Variants in RTTN observed in about 807,000 individuals in gnomAD.
RTTN encodes the protein rotatin.
RTTN carries 182 observed loss-of-function variants against 269.2 expected under a neutral mutation model. The ratio of observed to expected loss-of-function variants is 0.68; its 90% confidence interval spans 0.60 to 0.76. RTTN has a LOEUF of 0.76. RTTN is among the 30% of genes least tolerant of loss of function. The probability of loss-of-function intolerance (pLI) is 0.00; values close to 1 mark genes in which losing one functional copy is unlikely to be tolerated. For synonymous variants in RTTN, 1,006 were observed against 963.5 expected (o/e 1.04, Z -0.82); for missense variants, 2,545 against 2,608.6 (o/e 0.98, Z 0.53).
intron 21 of RTTN, among the ~76,000 whole-genome samples, chr18:70,135,820 T>C (rs2060111387): frequency 1.3e-5 from 2 of 152,162 alleles, no homozygotes; most frequent in Non-Finnish European, 2.9e-5. Context: ...AGGGAAGTGC[T>C]CTGAATGGAC....
intron 11 of RTTN, among the ~76,000 whole-genome samples, chr18:70,175,675 C>T (rs1278038359): frequency 6.7e-6 from 1 of 150,326 alleles, no homozygotes; most frequent in African/African-American, 2.4e-5. Flanking sequence ...ATATGCAACA[C>T]ACCAGCAATA....
At chr18:70,099,960 A>G (rs2059114382) in intron 28 of RTTN, among the ~76,000 whole-genome samples, 1 of 152,218 alleles carries the variant, frequency 6.6e-6, no homozygotes, top group South Asian at 2.1e-4. Context: ...TGGTACCAGT[A>G]CCATGCTGTT....
At chr18:70,175,088 G>T (rs940848221) in intron 11 of RTTN, among the ~76,000 whole-genome samples, 1 of 140,528 alleles carries the variant, frequency 7.1e-6, no homozygotes, top group Non-Finnish European at 1.5e-5. Context: ...TTTTATAGAC[G>T]CTGTCAATTG....
In RTTN at chr18:70,195,199, A is replaced by G. The variant is rs1052126551; in HGVS notation, c.841+1302T>C. Among the ~76,000 whole-genome samples the G allele has an allele frequency of 3.3e-5, 5 of 152,304 alleles. No homozygotes were observed. The East Asian group carries it at 5.8e-4, about 18-fold the overall frequency. On this transcript the variant is annotated intron_variant, in intron 7 of 48. Transcript: ENST00000640769. ...TGGGCTTTATTTCAGTTGCTCAAGGACATCACCCTCAGTGCTAACCTTGAG... is the reference window on the plus strand; with the variant it reads ...TGGGCTTTATTTCAGTTGCTCAAGGGCATCACCCTCAGTGCTAACCTTGAG...
intron 43 of RTTN, among the ~76,000 whole-genome samples, chr18:70,026,350 T>G (rs190846356): frequency 6.6e-6 from 1 of 152,166 alleles, no homozygotes; most frequent in Non-Finnish European, 1.5e-5. Context: ...TGTTTATATC[T>G]TGGGGGCGGA....
In RTTN at chr18:70,024,100, A is replaced by G. The variant is rs545439900; in HGVS notation, c.5950+622T>C. Among the ~76,000 whole-genome samples the G allele has an allele frequency of 1.1e-4, 16 of 152,286 alleles. No homozygotes were observed. The East Asian group carries it at 2.7e-3, about 26-fold the overall frequency. On this transcript the variant is annotated intron_variant, in intron 44 of 48. Coordinates refer to ENST00000640769, the MANE Select transcript of RTTN (RefSeq NM_173630.4). ...ACCCAGCCTAATCCTTCTTAAACACAAATTAAATCATGCCACTCACCAGCT... is the reference window on the plus strand; with the variant it reads ...ACCCAGCCTAATCCTTCTTAAACACGAATTAAATCATGCCACTCACCAGCT...
rs962597804 is a variant in RTTN at position 70,103,870 on chromosome 18, C to T, written c.3903+5628G>A. On this transcript the variant is annotated intron_variant, in intron 28 of 48. Coordinates refer to ENST00000640769, the MANE Select transcript of RTTN (RefSeq NM_173630.4). ...GCCGAGAGATCCGCTGTTAGTCTGA[C>T]GGGCTTCCCTTTGCGTGTAACGGGA... is the stretch of plus-strand genomic sequence containing the variant. Among the ~76,000 whole-genome samples the T allele has an allele frequency of 1.1e-4, 17 of 151,842 alleles. No homozygotes were observed. In the South Asian group the frequency reaches 2.3e-3, roughly 20 times the overall value.
chr18:70,104,386 C>G (rs936006750), intron 28 of RTTN, among the ~76,000 whole-genome samples: 5 of 152,104 alleles, frequency 3.3e-5, no homozygotes, highest in Non-Finnish European at 5.9e-5. Flanking sequence ...GTTAGCCATT[C>G]GTCTAATCTT....
chr18:70,102,961 T>C (rs2059211723), intron 28 of RTTN, among the ~76,000 whole-genome samples: 1 of 150,554 alleles, frequency 6.6e-6, no homozygotes, highest in African/African-American at 2.5e-5. Flanking sequence ...GAGGAGCGCC[T>C]CTGCCCAGCT....
chr18:70,167,112 G>T, intron 12 of RTTN, 81 bp from the exon 13 acceptor site: 1 of 852,712 alleles, frequency 1.2e-6, no homozygotes, highest in Non-Finnish European at 1.9e-6. Context: ...GCAGCTTCAA[G>T]AAATTAGACC....
At chr18:70,173,052 CATA>C (rs753885239) in intron 11 of RTTN, among the ~76,000 whole-genome samples, 1 of 152,102 alleles carries the variant, frequency 6.6e-6, no homozygotes. Context: ...ACTTCAGAAA[CATA>C]ATGACTAGTG....
chr18:70,186,475 C>A (rs764695762), intron 10 of RTTN, among the ~76,000 whole-genome samples: 1 of 152,100 alleles, frequency 6.6e-6, no homozygotes, highest in Admixed American at 6.5e-5. Flanking sequence ...ATGGCTCAGC[C>A]GGGCGCGGTG....
chr18:70,065,785 T>C (rs1255359000), intron 35 of RTTN, 44 bp downstream of exon 35: 1 of 1,325,314 alleles, frequency 7.5e-7, no homozygotes, highest in Non-Finnish European at 1.0e-6. Context: ...GACCAACTTG[T>C]CATTTTTCTT....
chr18:70,205,274 T>C lies in RTTN; in HGVS notation c.73A>G (p.Ile25Val), dbSNP rs1201320094. Reference protein sequence around the residue: ...AEIRERALKSILCKIEHNLIC... With the variant: ...AEIRERALKSVLCKIEHNLIC... ...AAGTTGTGCTCAATCTTGCAGAGAA[T>C]ACTCTTGAGAGCGCGCTCCCTGATC... Residue 25 changes from isoleucine (I) to valine (V), a missense_variant, in exon 2 of 49, where the codon ATT (isoleucine) becomes GTT (valine). Physicochemically the swap from Ile to Val is conservative, Grantham distance 29. Coordinates refer to ENST00000640769, the MANE Select transcript of RTTN (RefSeq NM_173630.4). The C allele has an allele frequency of 1.2e-6, 2 of 1,614,228 alleles. No homozygotes were observed. The highest frequency in any genetic ancestry group is 2.7e-5 in the African/African-American group (2 of 75,050).
chr18:70,094,947 G>C (rs1262371643), intron 28 of RTTN, among the ~76,000 whole-genome samples: 1 of 151,608 alleles, frequency 6.6e-6, no homozygotes, highest in Non-Finnish European at 1.5e-5. Flanking sequence ...AAGTCTCTTT[G>C]TAGGTCTCTA....
At chr18:70,135,153 A>G (rs2060094078) in intron 22 of RTTN, 31 bp downstream of exon 22, 2 of 1,207,368 alleles carry the variant, frequency 1.7e-6, no homozygotes, top group Non-Finnish European at 2.3e-6. Context: ...AATAGTTAAG[A>G]GTAAAAAACT....
Position 70,193,353 on chromosome 18 carries a change from A to G in RTTN, c.942T>C (p.Ser314=). 1.2e-6 allele frequency: 2 copies of G among 1,610,770 alleles called. No homozygotes were observed. The highest frequency in any genetic ancestry group is 1.3e-5 in the African/African-American group (1 of 74,664). The change falls in exon 8 of 49, where the codon TCT becomes TCC. Residue 314 remains serine (S), a synonymous_variant. Coordinates refer to ENST00000640769, the MANE Select transcript of RTTN (RefSeq NM_173630.4). Reference sequence around the variant, plus strand: ...GTCGCTGGCCTGTGCGCCCAACCACAGAAGGCCGAGGGCTGCTGCTTCCTG... The same window carrying G: ...GTCGCTGGCCTGTGCGCCCAACCACGGAAGGCCGAGGGCTGCTGCTTCCTG... ...PSPGSSSPRP[S]VVGRTGQRPR...
intron 25 of RTTN, among the ~76,000 whole-genome samples, chr18:70,124,318 G>A (rs1380273463): frequency 6.6e-6 from 1 of 151,974 alleles, no homozygotes; most frequent in Non-Finnish European, 1.5e-5. Flanking sequence ...ATGGCCAACT[G>A]TATACTATGA....
chr18:70,080,959 C>T (rs1465417852), intron 32 of RTTN, among the ~76,000 whole-genome samples: 1 of 149,664 alleles, frequency 6.7e-6, no homozygotes, highest in African/African-American at 2.5e-5. Context: ...CACACACACA[C>T]ACACACACAC....
Sources: allele counts gnomAD v4.1 joint callset (sites outside exome capture counted in the v4.1 genomes callset), GRCh38; gene constraint gnomAD v4.1.1; transcripts MANE v1.5; gene names NCBI Gene and HGNC (gene_info 2026-07-23, HGNC 2026-07-21).